SLC1A2: variants seen among roughly 807,000 people sequenced by gnomAD.
The protein encoded by SLC1A2 is excitatory amino acid transporter 2.
A neutral mutation model predicts 48.8 loss-of-function variants in SLC1A2; 15 were observed. That is an observed-to-expected ratio of 0.31 (90% CI 0.21 to 0.47). The LOEUF (loss-of-function observed/expected upper bound fraction) is 0.47, where lower values mean the gene tolerates loss of function less well. SLC1A2 is among the 20% of genes least tolerant of loss of function. SLC1A2 has a pLI of 0.99. For synonymous variants in SLC1A2, 279 were observed against 272.6 expected (o/e 1.02, Z -0.23); for missense variants, 502 against 730.5 (o/e 0.69, Z 3.61).
intron 1 of SLC1A2, chr11:35,380,320 G>A (rs971798452): frequency 1.5e-5 from 6 of 398,450 alleles, no homozygotes; most frequent in African/African-American, 1.2e-4. Context: ...AAAGGCCTTG[G>A]CTTTTGCTTT....
intron 10 of SLC1A2, among the ~76,000 whole-genome samples, chr11:35,262,826 C>T (rs1950413634): frequency 6.6e-6 from 1 of 152,222 alleles, no homozygotes; most frequent in Non-Finnish European, 1.5e-5. Context: ...GAGCTATTTT[C>T]ATCATCTTCA....
chr11:35,380,361 T>C, intron 1 of SLC1A2: 1 of 398,660 alleles, frequency 2.5e-6, no homozygotes, highest in Non-Finnish European at 4.4e-6. Context: ...GTTGTAGCCC[T>C]GGTCATTGTG....
In SLC1A2 at chr11:35,344,278, A is replaced by T. The variant is rs115131273; in HGVS notation, c.18-26762T>A. On this transcript the variant is annotated intron_variant, in intron 1 of 10. Transcript: ENST00000278379. ...ACTGTAAAGAACAATGAAGCAATGT[A>T]CTGTTGAGCGGGATATTTAATATAA... is the stretch of plus-strand genomic sequence containing the variant. 6.3e-3 allele frequency among the ~76,000 whole-genome samples: 960 copies of T among 152,336 alleles called. 10 individuals carry two copies. Among genetic ancestry groups the T allele is most frequent in the African/African-American group, 0.022 (907 of 41,568 alleles).
intron 1 of SLC1A2, among the ~76,000 whole-genome samples, chr11:35,318,983 C>T (rs143436652): frequency 1.2e-4 from 18 of 152,306 alleles, no homozygotes; most frequent in African/African-American, 4.3e-4. Context: ...TTAGGAATAA[C>T]ATTGCATGAC....
intron 1 of SLC1A2, among the ~76,000 whole-genome samples, chr11:35,386,064 G>A (rs1331445871): frequency 6.6e-6 from 1 of 152,190 alleles, no homozygotes; most frequent in African/African-American, 2.4e-5. Flanking sequence ...TACTCAGGAG[G>A]CTGAGGCAGG....
chr11:35,279,605 G>A (rs1351829920), intron 9 of SLC1A2, among the ~76,000 whole-genome samples: 1 of 152,118 alleles, frequency 6.6e-6, no homozygotes. Context: ...TTACCTATTG[G>A]TTATGATTCA....
intron 1 of SLC1A2, among the ~76,000 whole-genome samples, chr11:35,352,021 T>C (rs1158480711): frequency 6.6e-6 from 1 of 152,200 alleles, no homozygotes; most frequent in Non-Finnish European, 1.5e-5. Flanking sequence ...AATGATAAGA[T>C]GATGGATGGG....
chr11:35,332,132 C>A (rs1033534569), intron 1 of SLC1A2, among the ~76,000 whole-genome samples: 1 of 152,208 alleles, frequency 6.6e-6, no homozygotes, highest in Non-Finnish European at 1.5e-5. Flanking sequence ...GAAGCTCCAA[C>A]TAATGTTTAG....
Position 35,365,496 on chromosome 11 carries a change from A to G in SLC1A2, c.18-47980T>C, listed in dbSNP as rs114317419. Among the ~76,000 whole-genome samples, 1,031 of 152,228 alleles carry G rather than the reference A, an allele frequency of 6.8e-3. 16 individuals are homozygous for G. The highest frequency in any genetic ancestry group is 0.023 in the African/African-American group (964 of 41,540). On this transcript the variant is annotated intron_variant, in intron 1 of 10. Transcript: ENST00000278379. ...CTCCTAGGAACCCAAACCAACACAG[A>G]ACCAAAGTAACACATGCCATTTTCA...
At chr11:35,355,923 C>A (rs1243390898) in intron 1 of SLC1A2, among the ~76,000 whole-genome samples, 1 of 151,728 alleles carries the variant, frequency 6.6e-6, no homozygotes, top group South Asian at 2.1e-4. Context: ...AGCTGATGGT[C>A]TCCTTGAACA....
chr11:35,405,374 C>T (rs1211915976), intron 1 of SLC1A2, among the ~76,000 whole-genome samples: 1 of 150,914 alleles, frequency 6.6e-6, no homozygotes, highest in Admixed American at 6.6e-5. Context: ...ACGTTGTCTG[C>T]TTCTGGTAAC....
At chr11:35,337,052 GA>G (rs1329052532) in intron 1 of SLC1A2, among the ~76,000 whole-genome samples, 1 of 151,934 alleles carries the variant, frequency 6.6e-6, no homozygotes, top group Non-Finnish European at 1.5e-5. Context: ...TAAATTTGGG[GA>G]AAAAAAGAGC....
chr11:35,337,138 G>T (rs1267318704), intron 1 of SLC1A2, among the ~76,000 whole-genome samples: 2 of 152,094 alleles, frequency 1.3e-5, no homozygotes, highest in Non-Finnish European at 2.9e-5. Flanking sequence ...TCCAGGGAGG[G>T]TTTTGCCAGA....
chr11:35,405,586 G>C (rs546658293), intron 1 of SLC1A2, among the ~76,000 whole-genome samples: 1 of 152,166 alleles, frequency 6.6e-6, no homozygotes, highest in South Asian at 2.1e-4. Context: ...AGGCATCCTG[G>C]GAAAGACAGA....
intron 3 of SLC1A2, 91 bp from the exon 4 acceptor site, chr11:35,312,539 C>A: frequency 7.3e-7 from 1 of 1,377,886 alleles, no homozygotes. Flanking sequence ...CTTCATATTA[C>A]TCAAATGTGT....
intron 7 of SLC1A2, among the ~76,000 whole-genome samples, chr11:35,290,015 C>T (rs1363563389): frequency 1.3e-5 from 2 of 152,140 alleles, no homozygotes. Flanking sequence ...ATGCATATCC[C>T]ATGAGATTAC....
At chr11:35,386,543 A>G (rs1277030558) in intron 1 of SLC1A2, among the ~76,000 whole-genome samples, 1 of 152,248 alleles carries the variant, frequency 6.6e-6, no homozygotes, top group Non-Finnish European at 1.5e-5. Context: ...AAGAAATCAA[A>G]AGAACATCAA....
At chr11:35,349,283 A>G (rs4755398) in intron 1 of SLC1A2, among the ~76,000 whole-genome samples, 32,778 of 152,204 alleles carry the variant, frequency 0.22, 3,657 homozygotes, top group Middle Eastern at 0.28. Context: ...AGAATCAAAA[A>G]TACAAAGGGA....
chr11:35,293,533 A>G (rs11033060), intron 6 of SLC1A2, among the ~76,000 whole-genome samples: 27,276 of 152,242 alleles, frequency 0.18, 2,834 homozygotes, highest in Admixed American at 0.26. Flanking sequence ...ATATTTGGTA[A>G]AATCCTTTAT....
Sources: allele counts gnomAD v4.1 joint callset (sites outside exome capture counted in the v4.1 genomes callset), GRCh38; gene constraint gnomAD v4.1.1; transcripts MANE v1.5; gene names NCBI Gene and HGNC (gene_info 2026-07-23, HGNC 2026-07-21).